DNAH10: variants seen among roughly 807,000 people sequenced by gnomAD.
DNAH10 encodes dynein axonemal heavy chain 10.
In DNAH10, 348 loss-of-function variants were observed where a neutral mutation model predicts 506.6. That is an observed-to-expected ratio of 0.69 (90% CI 0.63 to 0.75). The LOEUF (loss-of-function observed/expected upper bound fraction) is 0.75. Ranked by LOEUF, DNAH10 falls within the 30% of genes least tolerant of loss-of-function variation. The probability of loss-of-function intolerance (pLI) is 0.00; values close to 1 mark genes in which losing one functional copy is unlikely to be tolerated. For missense variants in DNAH10, 5,179 were observed against 5,787.1 expected (o/e 0.89, Z 3.41); for synonymous variants, 2,059 against 2,198.6 (o/e 0.94, Z 1.78).
chr12:123,799,341 A>G lies in DNAH10; in HGVS notation c.2259A>G (p.Pro753=). The G allele has an allele frequency of 6.2e-7, 1 of 1,612,154 alleles. No individual in the cohort carries two copies. Among genetic ancestry groups the G allele is most frequent in the Non-Finnish European group, 8.5e-7 (1 of 1,178,550 alleles). The change falls in exon 14 of 79, where the codon CCA becomes CCG. Residue 753 remains proline (P), a synonymous_variant. Coordinates refer to ENST00000673944, the MANE Select transcript of DNAH10 (RefSeq NM_001372106.1). The part of the protein sequence containing the change: ...QWMEVTEQVL[P]ALMKKSLLTK... ...TGGAGGTGACGGAGCAGGTGCTGCCAGCTCTCATGAAGAAGAGCCTTTTGA... is the reference window on the plus strand; with the variant it reads ...TGGAGGTGACGGAGCAGGTGCTGCCGGCTCTCATGAAGAAGAGCCTTTTGA...
intron 38 of DNAH10, among the ~76,000 whole-genome samples, chr12:123,860,567 T>A (rs1951572146): frequency 6.6e-6 from 1 of 152,140 alleles, no homozygotes; most frequent in Admixed American, 6.5e-5. Context: ...ATTCATGAAG[T>A]CAACAGAGCA....
intron 57 of DNAH10, among the ~76,000 whole-genome samples, chr12:123,906,637 T>C (rs901515289): frequency 8.5e-5 from 13 of 152,244 alleles, no homozygotes; most frequent in Non-Finnish European, 1.6e-4. Context: ...TTGGTACTCT[T>C]ATGTTTTAAT....
intron 32 of DNAH10, among the ~76,000 whole-genome samples, chr12:123,847,403 G>A (rs1450375910): frequency 6.6e-6 from 1 of 152,026 alleles, no homozygotes. Context: ...TGTGATGATA[G>A]GGTCTGATTA....
intron 65 of DNAH10, among the ~76,000 whole-genome samples, chr12:123,921,608 G>A (rs1055771063): frequency 4.7e-4 from 70 of 148,012 alleles, no homozygotes; most frequent in Non-Finnish European, 7.9e-4. Flanking sequence ...TTGCATCTCA[G>A]CTTTATCTCC....
intron 51 of DNAH10, among the ~76,000 whole-genome samples, chr12:123,885,992 G>A (rs540506251): frequency 9.9e-5 from 15 of 152,054 alleles, no homozygotes; most frequent in African/African-American, 3.6e-4. Flanking sequence ...CACAAATATT[G>A]GCCTTTTGTT....
In DNAH10 at chr12:123,879,260, G is replaced by T. The variant is rs1952393318; in HGVS notation, c.8373-4G>T. On this transcript the variant is annotated splice_region_variant and splice_polypyrimidine_tract_variant and intron_variant, in intron 48 of 78. Coordinates refer to ENST00000673944, the MANE Select transcript of DNAH10 (RefSeq NM_001372106.1). ...GGCTGATTTTTGTCCCTTCCATTCTGCAGATTCCAGACGGTGGCCCAGATG... is the reference window on the plus strand; with the variant it reads ...GGCTGATTTTTGTCCCTTCCATTCTTCAGATTCCAGACGGTGGCCCAGATG... 4 of 1,568,090 alleles carry T rather than the reference G, an allele frequency of 2.6e-6. No individual in the cohort carries two copies. The South Asian group carries it at 3.5e-5, about 14-fold the overall frequency.
rs758967545 is a variant in DNAH10 at position 123,926,357 on chromosome 12, G to A, written c.11922-280G>A. 1 of 406,998 alleles carries A rather than the reference G, an allele frequency of 2.5e-6. No individual in the cohort carries two copies. Among genetic ancestry groups the A allele is most frequent in the Non-Finnish European group, 4.3e-6 (1 of 233,800 alleles). 25.2% of individuals were successfully genotyped at this position (406,998 alleles called of 1,614,324 possible). On this transcript the variant is annotated intron_variant, in intron 68 of 78. Transcript: ENST00000673944. The surrounding 1 kb of genome is among the most constrained non-coding windows in gnomAD (Gnocchi z 4.1). Reference sequence around the variant, plus strand: ...CCTCAGGGTTTTGTGCCATGGGCAGGCCCACCTAGAGGGCAAGCTGAGGTG... The same window carrying A: ...CCTCAGGGTTTTGTGCCATGGGCAGACCCACCTAGAGGGCAAGCTGAGGTG...
At chr12:123,920,524 C>T (rs142164962) in intron 65 of DNAH10, among the ~76,000 whole-genome samples, 1 of 152,334 alleles carries the variant, frequency 6.6e-6, no homozygotes, top group African/African-American at 2.4e-5. Context: ...TGGCCCCTTG[C>T]TTGTGGTTTG....
rs1951246701 is a variant in DNAH10 at position 123,853,280 on chromosome 12, T to C, written c.6366T>C (p.Phe2122=). ...EQLSKQYHYD[F]GLRALKSVLV... ...TGTCCAAGCAGTATCACTATGATTTTGGACTCAGAGCCCTGAAATCGGTGC... is the reference window on the plus strand; with the variant it reads ...TGTCCAAGCAGTATCACTATGATTTCGGACTCAGAGCCCTGAAATCGGTGC... Residue 2122 remains phenylalanine (F), a synonymous_variant, in exon 36 of 79, where the codon TTT becomes TTC. Coordinates refer to ENST00000673944, the MANE Select transcript of DNAH10 (RefSeq NM_001372106.1). The surrounding 1 kb of genome is among the most constrained non-coding windows in gnomAD (Gnocchi z 4.7). 6.2e-7 allele frequency: 1 copy of C among 1,611,656 alleles called. No individual in the cohort carries two copies. Among genetic ancestry groups the C allele is most frequent in the Admixed American group, 1.7e-5 (1 of 59,786 alleles).
At position 123,935,513 on chromosome 12, in the gene DNAH10, C is replaced by T. The variant is rs141891859; in HGVS notation, c.*32C>T. On this transcript the variant is annotated 3_prime_UTR_variant, in exon 79 of 79. Coordinates refer to ENST00000673944, the MANE Select transcript of DNAH10 (RefSeq NM_001372106.1). ...GGTGAAGAAAACTGCTTAATGAATTCGGAGCCTGGGGTTGTCAGAGTGATC... is the reference window on the plus strand; with the variant it reads ...GGTGAAGAAAACTGCTTAATGAATTTGGAGCCTGGGGTTGTCAGAGTGATC... 3.9e-4 allele frequency: 597 copies of T among 1,547,916 alleles called. 4 individuals carry two copies. In the African/African-American group the frequency reaches 6.9e-3, roughly 18 times the overall value.
intron 29 of DNAH10, among the ~76,000 whole-genome samples, chr12:123,840,205 C>T (rs1305619230): frequency 6.6e-6 from 1 of 151,962 alleles, no homozygotes; most frequent in African/African-American, 2.4e-5. Flanking sequence ...GCAAAATCAT[C>T]CCCGGCTGAG....
chr12:123,935,316 A>C lies in DNAH10; in HGVS notation c.13624-19A>C. On this transcript the variant is annotated intron_variant, in intron 78 of 78. Transcript: ENST00000673944. ...CACCCTCTCTCCGTGGGGGCATCTC[A>C]CCTGCCTTTCCCTTGCAGAATACTT... 1 of 1,593,904 alleles carries C rather than the reference A, an allele frequency of 6.3e-7. No individual in the cohort carries two copies. Among genetic ancestry groups the C allele is most frequent in the Non-Finnish European group, 8.6e-7 (1 of 1,163,086 alleles).
At position 123,845,812 on chromosome 12, in the gene DNAH10, C is replaced by T. The variant is rs565998620; in HGVS notation, c.5573C>T (p.Thr1858Ile). 1.2e-6 allele frequency: 2 copies of T among 1,614,028 alleles called. No homozygotes were observed. The highest frequency in any genetic ancestry group is 1.7e-6 in the Non-Finnish European group (2 of 1,179,902). Reference sequence around the variant, plus strand: ...AAAAACGACAGGAAAAAATACAACACTGTTCTCATCATTGATGTGCATGCC... The same window carrying T: ...AAAAACGACAGGAAAAAATACAACATTGTTCTCATCATTGATGTGCATGCC... ...LSKNDRKKYNTVLIIDVHARD... is the reference protein window; with the variant it reads ...LSKNDRKKYNIVLIIDVHARD... The change falls in exon 31 of 79, where the codon ACT becomes ATT. Residue 1858 changes from threonine to isoleucine, a missense_variant. Thr to Ile is a moderately conservative substitution (Grantham distance 89). Coordinates refer to ENST00000673944, the MANE Select transcript of DNAH10 (RefSeq NM_001372106.1).
Position 123,862,745 on chromosome 12 carries a change from G to A in DNAH10, c.6908+1575G>A, listed in dbSNP as rs139973112. 1.0e-3 allele frequency among the ~76,000 whole-genome samples: 154 copies of A among 152,284 alleles called. 1 individual carries two copies. Among genetic ancestry groups the A allele is most frequent in the African/African-American group, 3.6e-3 (148 of 41,552 alleles). On this transcript the variant is annotated intron_variant, in intron 39 of 78. Coordinates refer to ENST00000673944, the MANE Select transcript of DNAH10 (RefSeq NM_001372106.1). Reference sequence around the variant, plus strand: ...GAGACTTTCTATAGGGACAACTGGTGAAATTTGAATGTGGACTATACATTA... The same window carrying A: ...GAGACTTTCTATAGGGACAACTGGTAAAATTTGAATGTGGACTATACATTA...
chr12:123,865,863 TA>T, intron 40 of DNAH10, 87 bp from the exon 41 acceptor site: 6 of 1,356,456 alleles, frequency 4.4e-6, no homozygotes, highest in Non-Finnish European at 5.8e-6. Context: ...CATGCAGTTG[TA>T]AAAACTTTCC....
intron 10 of DNAH10, among the ~76,000 whole-genome samples, chr12:123,788,657 A>G (rs1957955963): frequency 6.6e-6 from 1 of 152,160 alleles, no homozygotes; most frequent in Non-Finnish European, 1.5e-5. Flanking sequence ...GCCAGGCATG[A>G]TGGCTCACAC....
At chr12:123,893,998 C>T (rs1484665680) in intron 53 of DNAH10, among the ~76,000 whole-genome samples, 1 of 151,248 alleles carries the variant, frequency 6.6e-6, no homozygotes, top group South Asian at 2.1e-4. Flanking sequence ...TAGATTTGGA[C>T]ACATCTGGCT....
chr12:123,926,251 A>G lies in DNAH10; in HGVS notation c.11922-386A>G, dbSNP rs1209965594. Among the ~76,000 whole-genome samples, 2 of 151,466 alleles carry G rather than the reference A, an allele frequency of 1.3e-5. No homozygotes were observed. Among genetic ancestry groups the G allele is most frequent in the Admixed American group, 6.6e-5 (1 of 15,252 alleles). On this transcript the variant is annotated intron_variant, in intron 68 of 78. Transcript: ENST00000673944. This position sits in a 1 kb window ranked among gnomAD's most constrained non-coding sequence, Gnocchi z 4.1. ...ATATTTCAATTTAAAAAAAAAAAAA[A>G]AAAAGAAAAAGAAAAAACCCACACA...
intron 10 of DNAH10, among the ~76,000 whole-genome samples, chr12:123,789,376 T>TTGTGTGTGTG (rs368474130): frequency 6.7e-6 from 1 of 149,510 alleles, no homozygotes; most frequent in African/African-American, 2.5e-5. Flanking sequence ...TCTCACCTCT[T>TTGTGTGTGTG]TGTGTGTGTG....
Sources: allele counts gnomAD v4.1 joint callset (sites outside exome capture counted in the v4.1 genomes callset), GRCh38; gene constraint gnomAD v4.1.1; non-coding constraint Gnocchi (gnomAD v3.1); transcripts MANE v1.5; gene names NCBI Gene and HGNC (gene_info 2026-07-23, HGNC 2026-07-21).